FBXO41: variants seen among roughly 807,000 people sequenced by gnomAD.
FBXO41 encodes the protein F-box only protein 41.
A neutral mutation model predicts 81.6 loss-of-function variants in FBXO41; 33 were observed. The ratio of observed to expected loss-of-function variants is 0.40; its 90% CI spans 0.31 to 0.54. The LOEUF (loss-of-function observed/expected upper bound fraction) is 0.54. FBXO41 is among the 20% of genes least tolerant of loss of function. FBXO41 has a pLI of 0.39. For missense variants in FBXO41, 1,107 were observed against 1,236.0 expected, an observed-to-expected ratio of 0.90 and a Z score of 1.56; for synonymous variants, 576 against 552.7, an observed-to-expected ratio of 1.04 and a Z score of -0.59.
intron 1 of FBXO41, among the ~76,000 whole-genome samples, chr2:73,273,740 C>T (rs1007221728): frequency 6.6e-6 from 1 of 152,186 alleles, no homozygotes; most frequent in African/African-American, 2.4e-5. Flanking sequence ...AGCTCTAACC[C>T]AGGACTTGAC....
At chr2:73,277,759 A>G (rs544417817) in intron 1 of FBXO41, among the ~76,000 whole-genome samples, 5 of 152,174 alleles carry the variant, frequency 3.3e-5, no homozygotes, top group Non-Finnish European at 5.9e-5. Flanking sequence ...ATTCTCACAC[A>G]TTGGCTTTGC....
intron 5 of FBXO41, among the ~76,000 whole-genome samples, chr2:73,264,994 G>C (rs1688182402): frequency 6.6e-6 from 1 of 152,124 alleles, no homozygotes; most frequent in African/African-American, 2.4e-5. Flanking sequence ...ACTGCACCAG[G>C]GGCTTCAGAG....
chr2:73,260,263 TC>T lies in FBXO41; in HGVS notation c.2449+125del. ...CTCTAGAACCAGTGCTCTTAACCTGTCCCCCTGCCTCTGCCCTTGGCTGGAG... is the reference window on the plus strand; with the variant it reads ...CTCTAGAACCAGTGCTCTTAACCTGTCCCCTGCCTCTGCCCTTGGCTGGAG... On this transcript the variant is annotated intron_variant, in intron 11 of 12. Transcript: ENST00000520530. This position sits in a 1 kb window ranked among gnomAD's most constrained non-coding sequence, Gnocchi z 5.0. 2 of 1,285,292 alleles carry T rather than the reference TC, an allele frequency of 1.6e-6. No individual in the cohort carries two copies. The highest frequency in any genetic ancestry group is 1.5e-5 in the South Asian group (1 of 68,932). 79.6% of individuals were successfully genotyped at this position (1,285,292 alleles called of 1,614,324 possible).
At chr2:73,276,684 G>A (rs1195452158) in intron 1 of FBXO41, among the ~76,000 whole-genome samples, 1 of 150,824 alleles carries the variant, frequency 6.6e-6, no homozygotes, top group East Asian at 1.9e-4. Context: ...GCACAGAGAA[G>A]ATTTTCTTAA....
Position 73,268,911 on chromosome 2 carries a change from C to T in FBXO41, c.720G>A (p.Glu240=), listed in dbSNP as rs1291603791. The T allele has an allele frequency of 6.5e-7, 1 of 1,545,094 alleles. No homozygotes were observed. The highest frequency in any genetic ancestry group is 1.9e-5 in the Admixed American group (1 of 51,322). Residue 240 remains glutamate (E), a synonymous_variant, in exon 2 of 13, where the codon GAG becomes GAA. Transcript: ENST00000520530. ...CCAGTTCGGCCGCCTTGCGCTCCAGCTCGGCCTGCAGCCGGCCCACCTGGC... is the reference window on the plus strand; with the variant it reads ...CCAGTTCGGCCGCCTTGCGCTCCAGTTCGGCCTGCAGCCGGCCCACCTGGC... The part of the protein sequence containing the change: ...IAGQVGRLQA[E]LERKAAELET...
intron 1 of FBXO41, among the ~76,000 whole-genome samples, chr2:73,277,189 G>A (rs912702252): frequency 6.6e-6 from 1 of 152,230 alleles, no homozygotes; most frequent in African/African-American, 2.4e-5. Context: ...CTGGGGTCCA[G>A]GTGCCTCTTC....
Position 73,259,892 on chromosome 2 carries a change from C to G in FBXO41, c.2449+497G>C, listed in dbSNP as rs776434018. Among the ~76,000 whole-genome samples the G allele has an allele frequency of 1.3e-4, 20 of 152,130 alleles. No homozygotes were observed. ...CTTGGCGCAGTTGGCATGGGGTCCT[C>G]TCAGGAGCCAAAGGGTCCTGGCTGG... On this transcript the variant is annotated intron_variant, in intron 11 of 12. Coordinates refer to ENST00000520530, the MANE Select transcript of FBXO41 (RefSeq NM_001371389.2). This position sits in a 1 kb window ranked among gnomAD's most constrained non-coding sequence, Gnocchi z 4.2.
In FBXO41 at chr2:73,268,609, C is replaced by T; in HGVS notation, c.905+117G>A. 3 of 1,010,372 alleles carry T rather than the reference C, an allele frequency of 3.0e-6. No individual in the cohort carries two copies. The South Asian group carries it at 5.3e-5, about 18-fold the overall frequency. The allele number at this position is 1,010,372 out of a possible 1,614,324, so 62.6% of individuals were successfully genotyped here. A position where few individuals can be genotyped will look rare whatever the true frequency, so the allele number is the denominator to read the frequency against. On this transcript the variant is annotated intron_variant, in intron 2 of 12. Transcript: ENST00000520530. ...CACATGCATGCTCCTGGCCACGGAT[C>T]CTCTATTACAAAGCCATGGCCACAT... is the stretch of plus-strand genomic sequence containing the variant.
At position 73,266,820 on chromosome 2, in the gene FBXO41, G is replaced by C; in HGVS notation, c.906-138C>G. On this transcript the variant is annotated intron_variant, in intron 2 of 12. Coordinates refer to ENST00000520530, the MANE Select transcript of FBXO41 (RefSeq NM_001371389.2). The surrounding 1 kb of genome is among the most constrained non-coding windows in gnomAD (Gnocchi z 5.3). ...GCTTATGGTCACATGGGTTCCTGCA[G>C]AACAGGCCTAGCACACAGCCCCGCA... 1 of 1,344,012 alleles carries C rather than the reference G, an allele frequency of 7.4e-7. No individual in the cohort carries two copies. The highest frequency in any genetic ancestry group is 9.6e-7 in the Non-Finnish European group (1 of 1,038,042). The allele number at this position is 1,344,012 out of a possible 1,614,324, so 83.3% of individuals were successfully genotyped here.
intron 5 of FBXO41, 86 bp downstream of exon 5, chr2:73,265,196 T>C: frequency 7.6e-7 from 1 of 1,324,344 alleles, no homozygotes; most frequent in Non-Finnish European, 1.0e-6. Flanking sequence ...GGTGGGCAAG[T>C]CTGGGGAAAG....
chr2:73,283,913 C>T (rs1688918503), intron 1 of FBXO41, among the ~76,000 whole-genome samples: 1 of 152,062 alleles, frequency 6.6e-6, no homozygotes, highest in African/African-American at 2.4e-5. Flanking sequence ...CAAAACCTGG[C>T]TCAGGGAGCG....
At chr2:73,280,108 A>AC (rs71406819) in intron 1 of FBXO41, among the ~76,000 whole-genome samples, 24,024 of 147,826 alleles carry the variant, frequency 0.16, 2,204 homozygotes, top group East Asian at 0.36. Flanking sequence ...CTGGATAGCG[A>AC]CCCCCCCTGC....
In FBXO41 at chr2:73,268,940, C is replaced by A. The variant is rs977469115; in HGVS notation, c.691G>T (p.Ala231Ser). 6.5e-7 allele frequency: 1 copy of A among 1,539,580 alleles called. No individual in the cohort carries two copies. The highest frequency in any genetic ancestry group is 8.7e-7 in the Non-Finnish European group (1 of 1,146,136). The change falls in exon 2 of 13, where the codon GCG (alanine) becomes TCG (serine). Residue 231 changes from alanine (A) to serine (S), a missense_variant. By Grantham distance (99) the Ala-to-Ser change is moderately conservative (BLOSUM62 1). Around this residue, in one of 2 missense-constraint regions of FBXO41, gnomAD observed 771 missense variants for 789.2 expected, o/e 0.98. Coordinates refer to ENST00000520530, the MANE Select transcript of FBXO41 (RefSeq NM_001371389.2). The stretch of plus-strand genomic sequence containing the variant: ...GCCTGCAGCCGGCCCACCTGGCCCG[C>A]GATCTTCTGCTCCACCTCCTCGCTC... ...RLSEEVEQKI[A>S]GQVGRLQAEL... is the part of the protein sequence containing the mutation.
intron 1 of FBXO41, among the ~76,000 whole-genome samples, chr2:73,276,572 G>GAA (rs1342566391): frequency 8.0e-6 from 1 of 124,312 alleles, no homozygotes; most frequent in African/African-American, 4.2e-5. Flanking sequence ...GAGAGAGAGA[G>GAA]AGAGAGAGAG....
rs1396406630 is a variant in FBXO41, at chr2:73,256,115, C to A, written c.*2867G>T. The A allele has an allele frequency of 6.6e-6, 1 of 152,128 alleles. No individual in the cohort carries two copies. Among genetic ancestry groups the A allele is most frequent in the Non-Finnish European group, 1.5e-5 (1 of 68,040 alleles). 9.4% of individuals were successfully genotyped at this position (152,128 alleles called of 1,614,324 possible). On this transcript the variant is annotated 3_prime_UTR_variant, in exon 13 of 13. Coordinates refer to ENST00000520530, the MANE Select transcript of FBXO41 (RefSeq NM_001371389.2). ...GGATGGCAGGGGGTGGTAGAAACAC[C>A]AAGTGGCCACCCCCACTGGGCCTCT...
rs1036017332 is a variant in FBXO41, at chr2:73,266,056, G to A, written c.1132-90C>T. Reference sequence around the variant, plus strand: ...AGCAGGGGAAACAGGGCAAAAGATGGAGAGGAGATGGGGGAGAGGAGAGAG... The same window carrying A: ...AGCAGGGGAAACAGGGCAAAAGATGAAGAGGAGATGGGGGAGAGGAGAGAG... On this transcript the variant is annotated intron_variant, in intron 3 of 12. Coordinates refer to ENST00000520530, the MANE Select transcript of FBXO41 (RefSeq NM_001371389.2). This position sits in a 1 kb window ranked among gnomAD's most constrained non-coding sequence, Gnocchi z 5.3. 1 of 1,130,464 alleles carries A rather than the reference G, an allele frequency of 8.8e-7. No individual in the cohort carries two copies. The highest frequency in any genetic ancestry group is 1.3e-6 in the Non-Finnish European group (1 of 770,968). The allele number at this position is 1,130,464 out of a possible 1,614,324, so 70.0% of individuals were successfully genotyped here. A position where few individuals can be genotyped will look rare whatever the true frequency, so the allele number is the denominator to read the frequency against.
In FBXO41 at chr2:73,266,792, T is replaced by A; in HGVS notation, c.906-110A>T. On this transcript the variant is annotated intron_variant, in intron 2 of 12. Transcript: ENST00000520530. This position sits in a 1 kb window ranked among gnomAD's most constrained non-coding sequence, Gnocchi z 5.3. Reference sequence around the variant, plus strand: ...GACACTGGCACAGCTGCCTGCGGTGTCTGCTTATGGTCACATGGGTTCCTG... The same window carrying A: ...GACACTGGCACAGCTGCCTGCGGTGACTGCTTATGGTCACATGGGTTCCTG... The A allele has an allele frequency of 1.4e-5, 20 of 1,415,056 alleles. No individual in the cohort carries two copies. Among genetic ancestry groups the A allele is most frequent in the Non-Finnish European group, 1.8e-5 (20 of 1,090,690 alleles). The allele number at this position is 1,415,056 out of a possible 1,614,324, so 87.7% of individuals were successfully genotyped here.
intron 1 of FBXO41, among the ~76,000 whole-genome samples, chr2:73,281,237 C>T (rs564096618): frequency 1.3e-5 from 2 of 152,332 alleles, no homozygotes; most frequent in East Asian, 3.9e-4. Flanking sequence ...ACAGTGAATA[C>T]TTATCTACTA....
chr2:73,264,583 G>A (rs1437302522), intron 5 of FBXO41, 64 bp from the exon 6 acceptor site: 1 of 1,595,800 alleles, frequency 6.3e-7, no homozygotes, highest in African/African-American at 1.3e-5. Flanking sequence ...GGATGTGTGT[G>A]GGGAGCTGGG....
Sources: gnomAD v4.1 joint callset for allele counts (sites outside exome capture counted in the v4.1 genomes callset) on GRCh38, gnomAD v4.1.1 for gene constraint, gnomAD v4.1.1 regional missense constraint, Gnocchi (gnomAD v3.1) non-coding constraint, MANE v1.5 for transcripts, NCBI Gene and HGNC (gene_info 2026-07-23, HGNC 2026-07-21) for gene names.